The following R3HDM2 variants were observed in gnomAD, a reference collection of about 807,000 sequenced individuals.
The protein encoded by R3HDM2 is R3H domain containing 2, also known as R3H domain-containing protein 2.
Under a neutral mutation model 124.5 loss-of-function variants are expected in R3HDM2, and 38 were observed. The ratio of observed to expected loss-of-function variants is 0.31; its 90% CI spans 0.24 to 0.40. The LOEUF is 0.40. Among genes scored for constraint, R3HDM2 ranks in the 10% least tolerant of loss-of-function variants. The pLI, the probability that R3HDM2 is intolerant of heterozygous loss-of-function variation, is 1.00. For missense variants in R3HDM2, 869 were observed against 1,236.9 expected (o/e 0.70, Z 4.46); for synonymous variants, 391 against 448.0 (o/e 0.87, Z 1.61).
chr12:57,255,683 A>G (rs976158767), intron 23 of R3HDM2, among the ~76,000 whole-genome samples: 2 of 152,216 alleles, frequency 1.3e-5, no homozygotes, highest in Non-Finnish European at 2.9e-5. Flanking sequence ...AACTGGGTCT[A>G]GGACTACCAA....
chr12:57,398,110 G>T (rs1175836093), intron 1 of R3HDM2, among the ~76,000 whole-genome samples: 1 of 151,424 alleles, frequency 6.6e-6, no homozygotes, highest in Non-Finnish European at 1.5e-5. Context: ...GAAACTGGTG[G>T]TGGGGGTGGG....
At chr12:57,387,966 AT>A (rs56926878) in intron 2 of R3HDM2, among the ~76,000 whole-genome samples, 2 of 150,990 alleles carry the variant, frequency 1.3e-5, no homozygotes, top group African/African-American at 4.9e-5. Flanking sequence ...GACAAAAAAA[AT>A]TTTTTTTTTT....
At chr12:57,262,549 T>C (rs979711274) in intron 19 of R3HDM2, among the ~76,000 whole-genome samples, 4 of 152,180 alleles carry the variant, frequency 2.6e-5, no homozygotes, top group African/African-American at 9.6e-5. Flanking sequence ...AAAAATGTAT[T>C]AATAAACCAG....
chr12:57,269,605 G>C lies in R3HDM2; in HGVS notation c.1587+147C>G, dbSNP rs1271486929. On this transcript the variant is annotated intron_variant, in intron 15 of 23. Coordinates refer to ENST00000402412, the MANE Select transcript of R3HDM2 (RefSeq NM_001394031.1). ...GTAAAACAAGGATTTATGTTATATA[G>C]AAAGAAGACTTTCTGGCTAGAACAA... The C allele has an allele frequency of 2.8e-6, 4 of 1,451,112 alleles. No individual in the cohort carries two copies. The African/African-American group carries it at 5.7e-5, about 21-fold the overall frequency. The allele number at this position is 1,451,112 out of a possible 1,614,324, so 89.9% of individuals were successfully genotyped here.
chr12:57,287,303 A>G (rs768368967), intron 12 of R3HDM2, among the ~76,000 whole-genome samples: 2 of 152,216 alleles, frequency 1.3e-5, no homozygotes, highest in South Asian at 2.1e-4. Context: ...TAAAACTCCT[A>G]TTTCTTACAG....
At chr12:57,305,750 C>A in intron 3 of R3HDM2, 1 of 397,554 alleles carries the variant, frequency 2.5e-6, no homozygotes, top group Non-Finnish European at 4.4e-6. Flanking sequence ...GAGCACACAG[C>A]AGAAGCGTCT....
chr12:57,295,830 C>A (rs1016830909), intron 9 of R3HDM2, among the ~76,000 whole-genome samples: 2 of 152,112 alleles, frequency 1.3e-5, no homozygotes, highest in African/African-American at 4.8e-5. Flanking sequence ...TATAACCAAC[C>A]CCAACCCCAA....
intron 3 of R3HDM2, 115 bp downstream of exon 3, chr12:57,310,149 G>A (rs2053605079): frequency 1.5e-6 from 1 of 651,272 alleles, no homozygotes; most frequent in Non-Finnish European, 2.5e-6. Flanking sequence ...GTTTGAGGGT[G>A]CAGTGGGCCC....
intron 2 of R3HDM2, among the ~76,000 whole-genome samples, chr12:57,332,276 G>A (rs1344858306): frequency 1.3e-5 from 2 of 151,110 alleles, no homozygotes; most frequent in African/African-American, 4.9e-5. Flanking sequence ...TAAACCAGGT[G>A]TGGTGACACA....
In R3HDM2 at chr12:57,273,678, C is replaced by T. The variant is rs78194080; in HGVS notation, c.1345-3684G>A. ...AGTTCTGCCTGGCATAGGTTCTCTC[C>T]ACCCCACTCTAGTAGTGGAGAGGAG... On this transcript the variant is annotated intron_variant, in intron 14 of 23. Coordinates refer to ENST00000402412, the MANE Select transcript of R3HDM2 (RefSeq NM_001394031.1). Among the ~76,000 whole-genome samples, 298 of 152,274 alleles carry T rather than the reference C, an allele frequency of 2.0e-3. 2 individuals carry two copies. Among genetic ancestry groups the T allele is most frequent in the African/African-American group, 6.7e-3 (280 of 41,542 alleles).
In R3HDM2 at chr12:57,269,343, G is replaced by A; in HGVS notation, c.1694C>T (p.Pro565Leu). The stretch of plus-strand genomic sequence containing the variant: ...CTTACCAGGCTGCTGGGATGGCTGA[G>A]GCAGCTGCTGACCACGTTGGGGGCT... ...AYSPQRGQQLPQPSQQPGLQP... is the reference protein window; with the variant it reads ...AYSPQRGQQLLQPSQQPGLQP... The change falls in exon 16 of 24, where the codon CCT (proline) becomes CTT (leucine). Residue 565 changes from proline to leucine, a missense_variant. This residue lies in a region of R3HDM2 where 602 missense variants were observed against 789.2 expected (regional missense o/e 0.76). Coordinates refer to ENST00000402412, the MANE Select transcript of R3HDM2 (RefSeq NM_001394031.1). 6.2e-7 allele frequency: 1 copy of A among 1,614,074 alleles called. No individual in the cohort carries two copies. The highest frequency in any genetic ancestry group is 8.5e-7 in the Non-Finnish European group (1 of 1,180,008).
In R3HDM2 at chr12:57,295,526, TG is replaced by T. The variant is rs1724413100; in HGVS notation, c.702-20del. Reference sequence around the variant, plus strand: ...TTCAGGGCTGAGATTTGGAGAGAAATGTGAAAGGAAAGGAGGACAAAGACCG... The same window carrying T: ...TTCAGGGCTGAGATTTGGAGAGAAATTGAAAGGAAAGGAGGACAAAGACCG... On this transcript the variant is annotated intron_variant, in intron 9 of 23. Coordinates refer to ENST00000402412, the MANE Select transcript of R3HDM2 (RefSeq NM_001394031.1). 6.5e-7 allele frequency: 1 copy of T among 1,530,922 alleles called. No individual in the cohort carries two copies. The highest frequency in any genetic ancestry group is 1.4e-5 in the African/African-American group (1 of 72,722). 94.8% of individuals were successfully genotyped at this position (1,530,922 alleles called of 1,614,324 possible).
intron 10 of R3HDM2, among the ~76,000 whole-genome samples, chr12:57,293,912 G>C (rs1176204179): frequency 6.6e-6 from 1 of 152,154 alleles, no homozygotes; most frequent in African/African-American, 2.4e-5. Context: ...AGGGCCTCAA[G>C]GAGCTATATT....
Position 57,299,409 on chromosome 12 carries a change from C to T in R3HDM2, c.364G>A (p.Glu122Lys). 2 of 1,546,256 alleles carry T rather than the reference C, an allele frequency of 1.3e-6. No homozygotes were observed. Among genetic ancestry groups the T allele is most frequent in the Non-Finnish European group, 1.8e-6 (2 of 1,141,808 alleles). Reference protein sequence around the residue: ...EEEKSTKDVSEKEDKDKNKEK... With the variant: ...EEEKSTKDVSKKEDKDKNKEK... ...TTGTTTTTGTCCTTGTCTTCCTTTT[C>T]AGAGACATCTTTTGTGGACTTTTCT... The change falls in exon 6 of 24, where the codon GAA (glutamate) becomes AAA (lysine). Residue 122 changes from glutamate to lysine, a missense_variant. Around this residue, in one of 2 missense-constraint regions of R3HDM2, gnomAD observed 267 missense variants for 447.7 expected, o/e 0.60. Transcript: ENST00000402412.
intron 1 of R3HDM2, among the ~76,000 whole-genome samples, chr12:57,404,984 G>T (rs186629951): frequency 1.3e-5 from 2 of 152,036 alleles, no homozygotes; most frequent in East Asian, 3.9e-4. Flanking sequence ...AATGATTCTG[G>T]GGTAGGGTCA....
intron 2 of R3HDM2, among the ~76,000 whole-genome samples, chr12:57,359,204 A>C (rs2137503906): frequency 6.6e-6 from 1 of 152,172 alleles, no homozygotes; most frequent in African/African-American, 2.4e-5. Flanking sequence ...GGCGTGAACC[A>C]CCGCGCCCAG....
At chr12:57,360,848 C>T (rs983500878) in intron 2 of R3HDM2, among the ~76,000 whole-genome samples, 9 of 151,248 alleles carry the variant, frequency 6.0e-5, no homozygotes, top group East Asian at 2.0e-4. Context: ...GAGGTCAGAT[C>T]GAGATCATCC....
intron 14 of R3HDM2, 122 bp downstream of exon 14, chr12:57,280,236 G>A: frequency 9.8e-7 from 1 of 1,020,158 alleles, no homozygotes; most frequent in Non-Finnish European, 1.4e-6. Flanking sequence ...AAATGGGGGA[G>A]AGAGTGGCAT....
At chr12:57,267,002 A>G (rs1008258082) in intron 18 of R3HDM2, 171 bp from the exon 19 acceptor site, 1 of 537,546 alleles carries the variant, frequency 1.9e-6, no homozygotes, top group Admixed American at 3.3e-5. Flanking sequence ...TTCAAAGTTA[A>G]TTATATGTAT....
Sources: allele counts gnomAD v4.1 joint callset (sites outside exome capture counted in the v4.1 genomes callset), GRCh38; gene constraint gnomAD v4.1.1; regional missense constraint gnomAD v4.1.1; transcripts MANE v1.5; gene names NCBI Gene and HGNC (gene_info 2026-07-23, HGNC 2026-07-21).